The following HSPA12A variants were observed in gnomAD, a reference collection of about 807,000 sequenced individuals.
HSPA12A encodes the protein heat shock 70 kDa protein 12A.
A neutral mutation model predicts 69.2 loss-of-function variants in HSPA12A; 28 were observed. The observed-to-expected ratio is 0.40, with a 90% CI of 0.30 to 0.55. HSPA12A has a LOEUF of 0.55. Ranked by LOEUF, HSPA12A falls within the 20% of genes least tolerant of loss-of-function variation. HSPA12A has a pLI of 0.38. For missense variants in HSPA12A, 686 were observed against 900.7 expected (o/e 0.76, Z 3.05); for synonymous variants, 345 against 370.5 (o/e 0.93, Z 0.79).
chr10:116,825,647 A>T (rs1430241321), intron 2 of HSPA12A, among the ~76,000 whole-genome samples: 1 of 152,208 alleles, frequency 6.6e-6, no homozygotes, highest in African/African-American at 2.4e-5. Flanking sequence ...TGCCCAGAAC[A>T]GGTGTATCTA....
At chr10:116,830,487 T>C (rs1405815930) in intron 2 of HSPA12A, 3 of 152,302 alleles carry the variant, frequency 2.0e-5, no homozygotes, top group African/African-American at 7.2e-5. Context: ...TAAATATGCA[T>C]ATATGGGCTG....
At chr10:116,774,112 C>T (rs1844277776) in intron 2 of HSPA12A, among the ~76,000 whole-genome samples, 1 of 151,682 alleles carries the variant, frequency 6.6e-6, no homozygotes, top group African/African-American at 2.4e-5. Context: ...CGGGTTCACG[C>T]CATTCTCCTG....
At chr10:116,829,186 G>A (rs1564833638) in intron 2 of HSPA12A, 1 of 152,256 alleles carries the variant, frequency 6.6e-6, no homozygotes, top group Non-Finnish European at 1.5e-5. Flanking sequence ...TAGTGAATAA[G>A]TCTCATGAGA....
chr10:116,806,089 A>G (rs1259367857), intron 2 of HSPA12A, among the ~76,000 whole-genome samples: 1 of 152,194 alleles, frequency 6.6e-6, no homozygotes, highest in Non-Finnish European at 1.5e-5. Flanking sequence ...CCAGGTGCTG[A>G]CAAGTGTGTC....
At position 116,701,106 on chromosome 10, in the gene HSPA12A, C is replaced by T; in HGVS notation, c.278G>A (p.Gly93Asp). 1 of 1,614,022 alleles carries T rather than the reference C, an allele frequency of 6.2e-7. No individual in the cohort carries two copies. Among genetic ancestry groups the T allele is most frequent in the South Asian group, 1.1e-5 (1 of 91,070 alleles). Reference sequence around the variant, plus strand: ...GGTTGGAGTCTTCTGATTGGACACACCAGGGTCACCTCCCTCCCATCGCCT... The same window carrying T: ...GGTTGGAGTCTTCTGATTGGACACATCAGGGTCACCTCCCTCCCATCGCCT... The part of the protein sequence containing the change: ...VMRRWEGGDP[G>D]VSNQKTPTTI... Residue 93 changes from glycine to aspartate, a missense_variant, in exon 4 of 12, where the codon GGT (glycine) becomes GAT (aspartate). Gly to Asp is a moderately conservative substitution (Grantham distance 94). Transcript: ENST00000369209.
chr10:116,700,928 G>A lies in HSPA12A; in HGVS notation c.441+15C>T. On this transcript the variant is annotated intron_variant, in intron 4 of 11. Coordinates refer to ENST00000369209, the MANE Select transcript of HSPA12A (RefSeq NM_025015.3). ...CATTGCGGGGGACCTGGGCCCAGGG[G>A]AGAGGCTTGCTCACCCCAGTGGTGT... 2 of 1,611,522 alleles carry A rather than the reference G, an allele frequency of 1.2e-6. No individual in the cohort carries two copies. Among genetic ancestry groups the A allele is most frequent in the Non-Finnish European group, 1.7e-6 (2 of 1,178,882 alleles).
intron 2 of HSPA12A, chr10:116,834,897 G>T: frequency 8.9e-7 from 1 of 1,124,232 alleles, no homozygotes; most frequent in Non-Finnish European, 1.1e-6. Context: ...TATTTCAGAT[G>T]CCAGTTTGAT....
chr10:116,758,236 C>T (rs1843893283), intron 2 of HSPA12A, among the ~76,000 whole-genome samples: 1 of 152,184 alleles, frequency 6.6e-6, no homozygotes, highest in Admixed American at 6.5e-5. Context: ...CATGTCCTGC[C>T]TTCTGAGAAG....
chr10:116,696,669 A>G (rs890131623), intron 5 of HSPA12A, among the ~76,000 whole-genome samples: 1 of 151,974 alleles, frequency 6.6e-6, no homozygotes, highest in East Asian at 1.9e-4. Flanking sequence ...CCCACTAGAA[A>G]TCCTTTGAGG....
chr10:116,820,091 G>A (rs1156344882), intron 2 of HSPA12A, among the ~76,000 whole-genome samples: 1 of 152,152 alleles, frequency 6.6e-6, no homozygotes, highest in Admixed American at 6.5e-5. Flanking sequence ...CCAAAGTGCT[G>A]GGATTACCAG....
intron 2 of HSPA12A, among the ~76,000 whole-genome samples, chr10:116,834,009 G>C (rs1294269690): frequency 6.6e-6 from 1 of 152,144 alleles, no homozygotes; most frequent in Non-Finnish European, 1.5e-5. Context: ...GCCCATTCTT[G>C]ACCTTGACAC....
chr10:116,820,866 C>A (rs1329342787), intron 2 of HSPA12A, among the ~76,000 whole-genome samples: 5 of 152,092 alleles, frequency 3.3e-5, no homozygotes, highest in Non-Finnish European at 7.4e-5. Flanking sequence ...GGTTCCACCC[C>A]AAACCCACTC....
intron 2 of HSPA12A, among the ~76,000 whole-genome samples, chr10:116,801,858 C>T (rs114343052): frequency 0.028 from 4,203 of 152,164 alleles, 188 homozygotes; most frequent in African/African-American, 0.095. Flanking sequence ...GGTGGGAAGC[C>T]ATCTCTGGGG....
chr10:116,709,332 C>T (rs1231697726), intron 1 of HSPA12A, among the ~76,000 whole-genome samples: 1 of 151,692 alleles, frequency 6.6e-6, no homozygotes, highest in Non-Finnish European at 1.5e-5. Context: ...CCTGTAGTCC[C>T]AGCTACTCGG....
At position 116,679,537 on chromosome 10, in the gene HSPA12A, C is replaced by G; in HGVS notation, c.1252G>C (p.Gly418Arg). 1 of 1,614,138 alleles carries G rather than the reference C, an allele frequency of 6.2e-7. No individual in the cohort carries two copies. Among genetic ancestry groups the G allele is most frequent in the African/African-American group, 1.3e-5 (1 of 75,046 alleles). ...CGCAAGGCGTGCTCCACACTGTGCC[C>G]GCGGAACTTCTTGTAGTAGTCAATG... is the stretch of plus-strand genomic sequence containing the variant. ...SFIDYYKKFR[G>R]HSVEHALRKS... The change falls in exon 10 of 12, where the codon GGG becomes CGG. Residue 418 changes from glycine (G) to arginine (R), a missense_variant. Gly to Arg is a moderately radical substitution (Grantham distance 125, BLOSUM62 -2). Transcript: ENST00000369209.
chr10:116,706,388 C>G (rs147555604), intron 2 of HSPA12A, among the ~76,000 whole-genome samples: 1 of 152,232 alleles, frequency 6.6e-6, no homozygotes, highest in African/African-American at 2.4e-5. Flanking sequence ...AACCACAGAA[C>G]CTGGCCCTAG....
intron 1 of HSPA12A, among the ~76,000 whole-genome samples, chr10:116,734,978 C>T (rs992840841): frequency 2.0e-5 from 3 of 152,028 alleles, no homozygotes; most frequent in Non-Finnish European, 2.9e-5. Flanking sequence ...AGCGACAGAG[C>T]GAGACTCCGT....
At chr10:116,788,169 A>T (rs949644243) in intron 2 of HSPA12A, among the ~76,000 whole-genome samples, 2 of 152,202 alleles carry the variant, frequency 1.3e-5, no homozygotes, top group African/African-American at 4.8e-5. Flanking sequence ...CGACCAAAGC[A>T]CATCCTGCAA....
chr10:116,746,973 A>G (rs917251779), upstream of HSPA12A, among the ~76,000 whole-genome samples: 1 of 152,262 alleles, frequency 6.6e-6, no homozygotes, highest in Non-Finnish European at 1.5e-5. Flanking sequence ...AGACTAATTC[A>G]TAACAGGACC....
Sources: gnomAD v4.1 joint callset for allele counts (sites outside exome capture counted in the v4.1 genomes callset) on GRCh38, gnomAD v4.1.1 for gene constraint, MANE v1.5 for transcripts, NCBI Gene and HGNC (gene_info 2026-07-23, HGNC 2026-07-21) for gene names.